The following STK32B variants were observed in gnomAD, a reference collection of about 807,000 sequenced individuals.
STK32B encodes the protein serine/threonine-protein kinase 32B.
A neutral mutation model predicts 52.6 loss-of-function variants in STK32B; 43 were observed. That is an observed-to-expected ratio of 0.82 (90% confidence interval 0.64 to 1.05). The LOEUF (loss-of-function observed/expected upper bound fraction) is 1.05. Among genes scored for constraint, STK32B ranks in the 50% least tolerant of loss-of-function variants. The pLI is 0.00. For synonymous variants in STK32B, 238 were observed against 204.3 expected, an observed-to-expected ratio of 1.17 and a Z score of -1.41; for missense variants, 621 against 534.6, an observed-to-expected ratio of 1.16 and a Z score of -1.59.
rs548420492 is a variant in STK32B, at chr4:5,297,834, G to A, written c.261-33386G>A. On this transcript the variant is annotated intron_variant, in intron 3 of 11. Coordinates refer to ENST00000282908, the MANE Select transcript of STK32B (RefSeq NM_018401.3). ...AGTGTTGCTCCCTGGCTGGCAAGGA[G>A]TTGTGATGCTTTGGGAGAGAAGAGG... Among the ~76,000 whole-genome samples the A allele has an allele frequency of 9.9e-5, 15 of 152,200 alleles. No individual in the cohort carries two copies. In the South Asian group the frequency reaches 3.1e-3, roughly 32 times the overall value.
At chr4:5,325,856 A>G (rs969351888) in intron 3 of STK32B, among the ~76,000 whole-genome samples, 1 of 152,206 alleles carries the variant, frequency 6.6e-6, no homozygotes, top group Non-Finnish European at 1.5e-5. Flanking sequence ...TACAAGAAGC[A>G]AAAGGGACAA....
intron 2 of STK32B, among the ~76,000 whole-genome samples, chr4:5,156,863 C>T (rs913606466): frequency 6.6e-6 from 1 of 152,128 alleles, no homozygotes; most frequent in African/African-American, 2.4e-5. Context: ...TAATTCCAGA[C>T]TCCATACCGC....
chr4:5,287,947 C>T (rs1728657646), intron 3 of STK32B, among the ~76,000 whole-genome samples: 1 of 152,160 alleles, frequency 6.6e-6, no homozygotes, highest in Non-Finnish European at 1.5e-5. Context: ...CCCCCAGAAA[C>T]CACTAACCTA....
intron 1 of STK32B, among the ~76,000 whole-genome samples, chr4:5,088,322 A>G (rs994877893): frequency 1.3e-5 from 2 of 152,086 alleles, no homozygotes; most frequent in African/African-American, 4.8e-5. Context: ...TAGAGAGTAG[A>G]AGGATGGTTA....
intron 3 of STK32B, among the ~76,000 whole-genome samples, chr4:5,228,629 C>A (rs1281161866): frequency 6.6e-6 from 1 of 152,078 alleles, no homozygotes; most frequent in African/African-American, 2.4e-5. Flanking sequence ...GTGAATATCA[C>A]AATAAAGAGA....
chr4:5,371,010 A>ATGTATATATATG (rs1168725273), intron 4 of STK32B, among the ~76,000 whole-genome samples: 2 of 148,630 alleles, frequency 1.3e-5, no homozygotes, highest in African/African-American at 2.5e-5. Context: ...ATATATATAT[A>ATGTATATATATG]TGTATATATA....
At chr4:5,214,373 C>A (rs1480092672) in intron 3 of STK32B, 1 of 152,252 alleles carries the variant, frequency 6.6e-6, no homozygotes, top group African/African-American at 2.4e-5. Context: ...AACCTCTTTT[C>A]TTTATAAATT....
intron 4 of STK32B, among the ~76,000 whole-genome samples, chr4:5,361,095 G>T (rs571775959): frequency 6.6e-6 from 1 of 152,080 alleles, no homozygotes; most frequent in Non-Finnish European, 1.5e-5. Context: ...TTTGTGACTG[G>T]CTTCTTTCAC....
intron 3 of STK32B, among the ~76,000 whole-genome samples, chr4:5,263,098 A>G (rs1482195770): frequency 6.6e-6 from 1 of 151,758 alleles, no homozygotes; most frequent in Non-Finnish European, 1.5e-5. Context: ...CCACTAGACT[A>G]TGAGCTCCTA....
rs561950201 is a variant in STK32B at position 5,193,954 on chromosome 4, C to T, written c.260+25504C>T. ...TACTCCGCTGTCTTGGCAGGGCGTGCGTTCTCATGCTCCTGCACCTCTCAG... is the reference window on the plus strand; with the variant it reads ...TACTCCGCTGTCTTGGCAGGGCGTGTGTTCTCATGCTCCTGCACCTCTCAG... On this transcript the variant is annotated intron_variant, in intron 3 of 11. Coordinates refer to ENST00000282908, the MANE Select transcript of STK32B (RefSeq NM_018401.3). Among the ~76,000 whole-genome samples the T allele has an allele frequency of 4.6e-5, 7 of 152,258 alleles. No homozygotes were observed. In the South Asian group the frequency reaches 1.5e-3, roughly 32 times the overall value.
At chr4:5,267,367 G>A (rs1727121748) in intron 3 of STK32B, among the ~76,000 whole-genome samples, 1 of 152,126 alleles carries the variant, frequency 6.6e-6, no homozygotes. Context: ...GCTTTTACCT[G>A]CCCCTCCCCG....
chr4:5,130,646 C>T (rs77179205), intron 1 of STK32B, among the ~76,000 whole-genome samples: 3,753 of 152,190 alleles, frequency 0.025, 151 homozygotes, highest in African/African-American at 0.084. Flanking sequence ...GAGGCCAAAT[C>T]AGGCATTGGA....
intron 6 of STK32B, among the ~76,000 whole-genome samples, chr4:5,440,341 T>C (rs988237441): frequency 4.4e-4 from 67 of 152,320 alleles, no homozygotes; most frequent in African/African-American, 1.6e-3. Flanking sequence ...GTTGGATTCC[T>C]AGGTATTTTA....
rs982842556 is a variant in STK32B at position 5,378,633 on chromosome 4, G to C, written c.435-19574G>C. 6.6e-6 allele frequency among the ~76,000 whole-genome samples: 1 copy of C among 152,174 alleles called. No homozygotes were observed. Among genetic ancestry groups the C allele is most frequent in the South Asian group, 2.1e-4 (1 of 4,824 alleles). ...TCTAATTTTTATGGGTACATAGTAG[G>C]TGTGTATATGTATGGGGTACATGAG... is the stretch of plus-strand genomic sequence containing the variant. On this transcript the variant is annotated intron_variant, in intron 4 of 11. Coordinates refer to ENST00000282908, the MANE Select transcript of STK32B (RefSeq NM_018401.3). This position sits in a 1 kb window ranked among gnomAD's most constrained non-coding sequence, Gnocchi z 4.4.
intron 4 of STK32B, among the ~76,000 whole-genome samples, chr4:5,359,056 C>A (rs893807891): frequency 2.6e-5 from 4 of 152,186 alleles, no homozygotes; most frequent in Non-Finnish European, 5.9e-5. Context: ...CGTGGGCTCA[C>A]TTCAAGTCTT....
rs73212704 is a variant in STK32B, at chr4:5,449,117, G to A, written c.666+2341G>A. Among the ~76,000 whole-genome samples, 1,415 of 152,256 alleles carry A rather than the reference G, an allele frequency of 9.3e-3. 17 individuals are homozygous for A. The highest frequency in any genetic ancestry group is 0.016 in the South Asian group (78 of 4,812). On this transcript the variant is annotated intron_variant, in intron 7 of 11. Coordinates refer to ENST00000282908, the MANE Select transcript of STK32B (RefSeq NM_018401.3). ...AGTTCTTTGGGAGGCCGAGGAGGGC[G>A]GATCACCTGAGGTCGGAGATCGAAA...
At chr4:5,243,869 G>A (rs1577235946) in intron 3 of STK32B, among the ~76,000 whole-genome samples, 1 of 152,242 alleles carries the variant, frequency 6.6e-6, no homozygotes, top group Non-Finnish European at 1.5e-5. Flanking sequence ...CTGTTTATAT[G>A]CTGGATTATG....
chr4:5,479,130 T>TG (rs1051345637), intron 11 of STK32B, among the ~76,000 whole-genome samples: 67 of 151,132 alleles, frequency 4.4e-4, no homozygotes, highest in Admixed American at 2.2e-3. Flanking sequence ...TTTGTTTTTT[T>TG]TTTTTTTTAG....
intron 6 of STK32B, chr4:5,437,790 A>C (rs1261826104): frequency 2.4e-6 from 1 of 412,756 alleles, no homozygotes; most frequent in African/African-American, 2.2e-5. Context: ...TATTGTTCAG[A>C]TATGTGGTTC....
Sources: allele counts gnomAD v4.1 joint callset (sites outside exome capture counted in the v4.1 genomes callset), GRCh38; gene constraint gnomAD v4.1.1; non-coding constraint Gnocchi (gnomAD v3.1); transcripts MANE v1.5; gene names NCBI Gene and HGNC (gene_info 2026-07-23, HGNC 2026-07-21).